Variants in PTPRD observed in about 807,000 individuals in gnomAD.
PTPRD encodes the protein receptor-type tyrosine-protein phosphatase delta.
A neutral mutation model predicts 214.5 loss-of-function variants in PTPRD; 34 were observed. That is an observed-to-expected ratio of 0.16 (90% CI 0.12 to 0.21). PTPRD has a LOEUF of 0.21. Ranked by LOEUF, PTPRD falls within the 10% of genes least tolerant of loss-of-function variation. The pLI, the probability that PTPRD is intolerant of heterozygous loss-of-function variation, is 1.00. For synonymous variants in PTPRD, 1,128 were observed against 845.7 expected (o/e 1.33, Z -5.79); for missense variants, 2,545 against 2,398.7 (o/e 1.06, Z -1.27).
At chr9:9,728,896 G>A (rs2154439391) in intron 7 of PTPRD, among the ~76,000 whole-genome samples, 1 of 151,926 alleles carries the variant, frequency 6.6e-6, no homozygotes, top group Admixed American at 6.6e-5. Flanking sequence ...ATTCATAGTT[G>A]ATTTTTATTA....
At position 8,354,022 on chromosome 9, in the gene PTPRD, G is replaced by A. The variant is rs1235010349; in HGVS notation, c.4662-12044C>T. 6.2e-5 allele frequency among the ~76,000 whole-genome samples: 9 copies of A among 145,022 alleles called. No individual in the cohort carries two copies. In the South Asian group the frequency reaches 8.6e-4, roughly 14 times the overall value. On this transcript the variant is annotated intron_variant, in intron 39 of 45. Transcript: ENST00000381196. Reference sequence around the variant, plus strand: ...TTGCCAGGCTGGAGTGCAGTGGTGCGATCTCAGCTCACTGCAACCTCCACC... The same window carrying A: ...TTGCCAGGCTGGAGTGCAGTGGTGCAATCTCAGCTCACTGCAACCTCCACC...
At chr9:9,189,649 G>C (rs772340707) in intron 9 of PTPRD, among the ~76,000 whole-genome samples, 1 of 151,944 alleles carries the variant, frequency 6.6e-6, no homozygotes, top group Non-Finnish European at 1.5e-5. Flanking sequence ...CAGAAGACAG[G>C]AACTGCTTTT....
intron 11 of PTPRD, among the ~76,000 whole-genome samples, chr9:8,945,717 A>G (rs902052208): frequency 3.9e-5 from 6 of 152,078 alleles, no homozygotes; most frequent in Non-Finnish European, 7.4e-5. Context: ...AATTCCATCT[A>G]CACTAGCATC....
At chr9:9,972,391 T>A (rs545419271) in intron 4 of PTPRD, among the ~76,000 whole-genome samples, 4 of 152,196 alleles carry the variant, frequency 2.6e-5, no homozygotes, top group Admixed American at 2.6e-4. Context: ...TTTCGGTAAC[T>A]GTCATGATAG....
chr9:8,788,433 G>A (rs1002284849), intron 11 of PTPRD, among the ~76,000 whole-genome samples: 16 of 151,556 alleles, frequency 1.1e-4, no homozygotes, highest in East Asian at 3.9e-4. Flanking sequence ...GCACCACCAC[G>A]CCTGGCTAAT....
intron 14 of PTPRD, among the ~76,000 whole-genome samples, chr9:8,538,350 T>G (rs1264832610): frequency 6.6e-6 from 1 of 151,880 alleles, no homozygotes; most frequent in East Asian, 1.9e-4. Context: ...AAGACAAAAA[T>G]AGTAAACAAG....
At chr9:10,143,154 T>C (rs1224525801) in intron 3 of PTPRD, among the ~76,000 whole-genome samples, 2 of 151,958 alleles carry the variant, frequency 1.3e-5, no homozygotes, top group African/African-American at 4.8e-5. Flanking sequence ...GGGATAGCAT[T>C]GGGAGATATA....
At chr9:9,296,262 A>G (rs967867376) in intron 9 of PTPRD, among the ~76,000 whole-genome samples, 1 of 151,760 alleles carries the variant, frequency 6.6e-6, no homozygotes, top group African/African-American at 2.4e-5. Context: ...TTGACTTTAT[A>G]TCTCCTTGGG....
At chr9:9,909,191 T>C (rs1418922808) in intron 5 of PTPRD, among the ~76,000 whole-genome samples, 1 of 151,954 alleles carries the variant, frequency 6.6e-6, no homozygotes, top group Non-Finnish European at 1.5e-5. Context: ...AGCAGCACAT[T>C]TCTACCTGAA....
Position 8,966,809 on chromosome 9 carries a change from G to A in PTPRD, c.-104+51888C>T, listed in dbSNP as rs1017867920. 2.0e-5 allele frequency among the ~76,000 whole-genome samples: 3 copies of A among 152,172 alleles called. No individual in the cohort carries two copies. In the East Asian group the frequency reaches 5.8e-4, roughly 29 times the overall value. ...CACAGCAAAAGAAACTATCAACAGA[G>A]TAAACAGACAACCTACAGAAGGGGA... On this transcript the variant is annotated intron_variant, in intron 11 of 45. Transcript: ENST00000381196.
intron 11 of PTPRD, among the ~76,000 whole-genome samples, chr9:8,735,143 T>G (rs2089898043): frequency 1.5e-5 from 2 of 137,494 alleles, no homozygotes; most frequent in South Asian, 2.3e-4. Flanking sequence ...TTTTTGTTTT[T>G]TTTTTTCTGT....
chr9:10,042,174 A>G (rs1426165648), intron 3 of PTPRD, among the ~76,000 whole-genome samples: 2 of 151,990 alleles, frequency 1.3e-5, no homozygotes, highest in Non-Finnish European at 2.9e-5. Context: ...CATATAAAAG[A>G]TAAGAGCAAA....
intron 3 of PTPRD, among the ~76,000 whole-genome samples, chr9:10,317,304 T>C (rs927713311): frequency 6.6e-6 from 1 of 151,922 alleles, no homozygotes; most frequent in African/African-American, 2.4e-5. Context: ...TTTGAATAAG[T>C]TTCTCCTTTT....
At chr9:9,802,469 C>T (rs764817303) in intron 5 of PTPRD, among the ~76,000 whole-genome samples, 7 of 151,888 alleles carry the variant, frequency 4.6e-5, no homozygotes, top group African/African-American at 1.7e-4. Flanking sequence ...CAAACTTAAA[C>T]TCCAGGTTCA....
chr9:9,997,119 A>G (rs2096148863), intron 4 of PTPRD, among the ~76,000 whole-genome samples: 1 of 152,202 alleles, frequency 6.6e-6, no homozygotes, highest in African/African-American at 2.4e-5. Context: ...TAAGAATAAT[A>G]TCTTGCCAAA....
intron 11 of PTPRD, among the ~76,000 whole-genome samples, chr9:8,737,126 G>C (rs987109375): frequency 1.3e-5 from 2 of 152,174 alleles, no homozygotes; most frequent in African/African-American, 4.8e-5. Context: ...CTCCTACTCA[G>C]CTGAAGTGCA....
intron 2 of PTPRD, among the ~76,000 whole-genome samples, chr9:10,521,879 G>T (rs1489071002): frequency 6.6e-6 from 1 of 152,108 alleles, no homozygotes; most frequent in Non-Finnish European, 1.5e-5. Flanking sequence ...ATCATTATAT[G>T]AAATGGGGAA....
chr9:10,506,497 A>T (rs1351826428), intron 2 of PTPRD, among the ~76,000 whole-genome samples: 1 of 152,166 alleles, frequency 6.6e-6, no homozygotes, highest in Non-Finnish European at 1.5e-5. Context: ...TTGTAGCACA[A>T]AGAAAGGATA....
intron 7 of PTPRD, among the ~76,000 whole-genome samples, chr9:9,715,186 C>T (rs2097796554): frequency 6.6e-6 from 1 of 152,178 alleles, no homozygotes; most frequent in African/African-American, 2.4e-5. Context: ...TGATTACATT[C>T]TTCCACTGGT....
Sources: gnomAD v4.1 joint callset for allele counts (sites outside exome capture counted in the v4.1 genomes callset) on GRCh38, gnomAD v4.1.1 for gene constraint, MANE v1.5 for transcripts, NCBI Gene and HGNC (gene_info 2026-07-23, HGNC 2026-07-21) for gene names.